The following PTPRD variants were observed in gnomAD, a reference collection of about 807,000 sequenced individuals.
PTPRD encodes protein tyrosine phosphatase receptor type D.
In PTPRD, 34 loss-of-function variants were observed where a neutral mutation model predicts 214.5. The ratio of observed to expected loss-of-function variants is 0.16; its 90% CI spans 0.12 to 0.21. PTPRD has a LOEUF of 0.21. Ranked by LOEUF, PTPRD falls within the 10% of genes least tolerant of loss-of-function variation. PTPRD has a pLI of 1.00. For missense variants in PTPRD, 2,545 were observed against 2,398.7 expected, an observed-to-expected ratio of 1.06 and a Z score of -1.27; for synonymous variants, 1,128 against 845.7, an observed-to-expected ratio of 1.33 and a Z score of -5.79.
intron 11 of PTPRD, among the ~76,000 whole-genome samples, chr9:8,911,910 G>T (rs1333978400): frequency 6.6e-6 from 1 of 152,074 alleles, no homozygotes; most frequent in African/African-American, 2.4e-5. Flanking sequence ...AAAAATTCTC[G>T]CTTCGTTAGT....
intron 7 of PTPRD, among the ~76,000 whole-genome samples, chr9:9,649,030 C>T (rs2096266911): frequency 6.6e-6 from 1 of 152,098 alleles, no homozygotes; most frequent in African/African-American, 2.4e-5. Flanking sequence ...GTTGAGGCCT[C>T]AGTTTCCCAA....
In PTPRD at chr9:10,217,575, A is replaced by G. The variant is rs192350124; in HGVS notation, c.-545+123388T>C. Among the ~76,000 whole-genome samples the G allele has an allele frequency of 4.6e-5, 7 of 152,010 alleles. No homozygotes were observed. The East Asian group carries it at 1.4e-3, about 29-fold the overall frequency. On this transcript the variant is annotated intron_variant, in intron 3 of 45. Coordinates refer to ENST00000381196, the MANE Select transcript of PTPRD (RefSeq NM_002839.4). Reference sequence around the variant, plus strand: ...AAATATTCTACTGTAGGAGGCCACCACCAGTATATCTCAGTTAGTACTTGA... The same window carrying G: ...AAATATTCTACTGTAGGAGGCCACCGCCAGTATATCTCAGTTAGTACTTGA...
intron 5 of PTPRD, among the ~76,000 whole-genome samples, chr9:9,783,537 A>C (rs905597931): frequency 1.4e-4 from 22 of 152,304 alleles, no homozygotes; most frequent in African/African-American, 4.8e-4. Flanking sequence ...TGATGTGGGA[A>C]GAGATCTATA....
chr9:8,824,926 T>C (rs771941220), intron 11 of PTPRD, among the ~76,000 whole-genome samples: 6 of 152,192 alleles, frequency 3.9e-5, no homozygotes, highest in Non-Finnish European at 7.3e-5. Flanking sequence ...TAAATTATGG[T>C]AAGACTGATT....
chr9:9,407,762 C>T (rs923358095), intron 8 of PTPRD, among the ~76,000 whole-genome samples: 2 of 151,778 alleles, frequency 1.3e-5, no homozygotes, highest in African/African-American at 4.8e-5. Context: ...AATTATCTAA[C>T]ACACATAAAC....
intron 7 of PTPRD, among the ~76,000 whole-genome samples, chr9:9,643,027 G>A (rs777610839): frequency 3.3e-5 from 5 of 152,288 alleles, no homozygotes; most frequent in African/African-American, 4.8e-5. Context: ...TTATAGAAAA[G>A]CTTGCTAAAA....
chr9:9,123,377 G>T (rs919091181), intron 10 of PTPRD, among the ~76,000 whole-genome samples: 8 of 152,086 alleles, frequency 5.3e-5, no homozygotes, highest in East Asian at 1.9e-4. Context: ...GATATAAAAA[G>T]AGTATTTTTA....
intron 11 of PTPRD, chr9:8,963,171 G>C (rs1456178979): frequency 2.6e-5 from 4 of 152,064 alleles, no homozygotes; most frequent in African/African-American, 9.7e-5. Flanking sequence ...TTCATTTACA[G>C]TATAAAAAAG....
At chr9:8,923,428 C>T (rs770728195) in intron 11 of PTPRD, among the ~76,000 whole-genome samples, 1 of 151,628 alleles carries the variant, frequency 6.6e-6, no homozygotes, top group Non-Finnish European at 1.5e-5. Flanking sequence ...ACATTCCTGT[C>T]TCCTAAGCCC....
chr9:10,178,533 G>T (rs774282777), intron 3 of PTPRD, among the ~76,000 whole-genome samples: 37 of 151,948 alleles, frequency 2.4e-4, no homozygotes, highest in Non-Finnish European at 5.0e-4. Flanking sequence ...AAATATAATT[G>T]AGGAAATACG....
At chr9:9,029,527 G>T (rs140787927) in intron 10 of PTPRD, among the ~76,000 whole-genome samples, 1 of 151,932 alleles carries the variant, frequency 6.6e-6, no homozygotes, top group East Asian at 1.9e-4. Flanking sequence ...TGTTCCTAGT[G>T]CCAGAGACAT....
chr9:10,056,183 T>A (rs909858215), intron 3 of PTPRD, among the ~76,000 whole-genome samples: 2 of 151,900 alleles, frequency 1.3e-5, no homozygotes, highest in Non-Finnish European at 2.9e-5. Flanking sequence ...TAGGTAGACA[T>A]GGTGGCATGT....
intron 8 of PTPRD, among the ~76,000 whole-genome samples, chr9:9,571,446 T>C (rs941799220): frequency 6.6e-6 from 1 of 151,322 alleles, no homozygotes; most frequent in African/African-American, 2.4e-5. Context: ...ATATAACTTA[T>C]TAGACATAAT....
intron 4 of PTPRD, among the ~76,000 whole-genome samples, chr9:10,032,173 G>C (rs1365863255): frequency 6.6e-6 from 1 of 152,146 alleles, no homozygotes; most frequent in Non-Finnish European, 1.5e-5. Flanking sequence ...CTGTTTTATA[G>C]AATTGGTGGT....
intron 2 of PTPRD, among the ~76,000 whole-genome samples, chr9:10,508,048 T>C (rs139242256): frequency 0.33 from 49,700 of 151,738 alleles, 8,419 homozygotes; most frequent in Middle Eastern, 0.38. Flanking sequence ...GCAATCTACT[T>C]ATCTGACAAA....
intron 23 of PTPRD, among the ~76,000 whole-genome samples, chr9:8,503,667 A>G (rs2097470210): frequency 6.6e-6 from 1 of 152,180 alleles, no homozygotes; most frequent in Admixed American, 6.5e-5. Context: ...TAGAATTGCA[A>G]ATATGTTTGC....
intron 9 of PTPRD, among the ~76,000 whole-genome samples, chr9:9,343,523 T>C (rs2137502966): frequency 6.6e-6 from 1 of 152,328 alleles, no homozygotes; most frequent in South Asian, 2.1e-4. Flanking sequence ...AAACGCCTTC[T>C]TTTGTATATC....
At chr9:8,340,081 G>A (rs778424911) in intron 42 of PTPRD, among the ~76,000 whole-genome samples, 5 of 152,046 alleles carry the variant, frequency 3.3e-5, no homozygotes, top group East Asian at 1.9e-4. Flanking sequence ...TAAGTCAAAC[G>A]GGGACACCTG....
intron 3 of PTPRD, among the ~76,000 whole-genome samples, chr9:10,139,085 AAAGAAG>A (rs1439388996): frequency 3.3e-5 from 5 of 152,118 alleles, no homozygotes; most frequent in African/African-American, 1.2e-4. Context: ...CCAAATAGAA[AAAGAAG>A]AAGTCAAACT....
Sources: gnomAD v4.1 joint callset for allele counts (sites outside exome capture counted in the v4.1 genomes callset) on GRCh38, gnomAD v4.1.1 for gene constraint, MANE v1.5 for transcripts, NCBI Gene and HGNC (gene_info 2026-07-23, HGNC 2026-07-21) for gene names.